SDK1: variants seen among roughly 807,000 people sequenced by gnomAD.
SDK1 encodes the protein protein sidekick-1.
A neutral mutation model predicts 245.5 loss-of-function variants in SDK1; 157 were observed. That is an observed-to-expected ratio of 0.64 (90% CI 0.56 to 0.73). SDK1 has a LOEUF of 0.73. SDK1 is among the 30% of genes least tolerant of loss of function. SDK1 has a pLI of 0.00. For missense variants in SDK1, 3,583 were observed against 3,002.3 expected (o/e 1.19, Z -4.52); for synonymous variants, 1,647 against 1,278.5 (o/e 1.29, Z -6.15).
chr7:3,617,472 G>C (rs938929663), intron 1 of SDK1, among the ~76,000 whole-genome samples: 1 of 152,336 alleles, frequency 6.6e-6, no homozygotes, highest in East Asian at 1.9e-4. Context: ...CCTAGGTAGA[G>C]GAAAGACCAA....
chr7:3,525,774 C>A (rs1242668719), intron 1 of SDK1, among the ~76,000 whole-genome samples: 2 of 152,094 alleles, frequency 1.3e-5, no homozygotes, highest in East Asian at 3.9e-4. Context: ...TTTCTTCTTC[C>A]TGGAATTCTC....
At chr7:4,166,985 C>G (rs776126048) in intron 32 of SDK1, among the ~76,000 whole-genome samples, 9 of 152,192 alleles carry the variant, frequency 5.9e-5, no homozygotes, top group Non-Finnish European at 2.9e-5. Context: ...GGCCTTCCCT[C>G]CACTCAACTC....
At chr7:4,023,709 A>G (rs1421776753) in intron 17 of SDK1, among the ~76,000 whole-genome samples, 2 of 152,190 alleles carry the variant, frequency 1.3e-5, no homozygotes, top group Non-Finnish European at 2.9e-5. Flanking sequence ...GAGGGAGAGT[A>G]CTATAGTCAT....
intron 5 of SDK1, among the ~76,000 whole-genome samples, chr7:3,859,360 G>T (rs1273459620): frequency 1.3e-5 from 2 of 152,098 alleles, no homozygotes; most frequent in Non-Finnish European, 1.5e-5. Context: ...GGTAGTTGCA[G>T]TTCTTCCATA....
At chr7:3,808,039 G>C (rs1266752910) in intron 4 of SDK1, among the ~76,000 whole-genome samples, 1 of 152,178 alleles carries the variant, frequency 6.6e-6, no homozygotes, top group African/African-American at 2.4e-5. Context: ...TCACCAGCTA[G>C]GAAGTGTCAG....
intron 5 of SDK1, among the ~76,000 whole-genome samples, chr7:3,822,012 A>C (rs1779659122): frequency 6.6e-6 from 1 of 152,224 alleles, no homozygotes; most frequent in Non-Finnish European, 1.5e-5. Flanking sequence ...GAAAATTAGC[A>C]GTATTTAAGC....
chr7:3,529,471 C>A (rs948299641), intron 1 of SDK1, among the ~76,000 whole-genome samples: 1 of 152,072 alleles, frequency 6.6e-6, no homozygotes, highest in Non-Finnish European at 1.5e-5. Context: ...CTCTCACTGG[C>A]CAAATTTTGG....
intron 2 of SDK1, among the ~76,000 whole-genome samples, chr7:3,632,095 G>T (rs1202236): frequency 6.6e-6 from 1 of 152,100 alleles, no homozygotes; most frequent in African/African-American, 2.4e-5. Flanking sequence ...TGCAATAAAA[G>T]ATTTTTATCC....
At chr7:3,569,253 C>T (rs1031964846) in intron 1 of SDK1, among the ~76,000 whole-genome samples, 6 of 152,116 alleles carry the variant, frequency 3.9e-5, no homozygotes, top group African/African-American at 9.7e-5. Flanking sequence ...GGAATTCAAA[C>T]GAGAACCAGA....
intron 44 of SDK1, among the ~76,000 whole-genome samples, chr7:4,246,642 A>G (rs960539786): frequency 3.3e-5 from 5 of 152,094 alleles, no homozygotes; most frequent in African/African-American, 1.2e-4. Flanking sequence ...CTTGCGCTGA[A>G]GAAGAGGGAT....
chr7:4,157,327 G>A (rs1420282006), intron 30 of SDK1, among the ~76,000 whole-genome samples: 1 of 149,426 alleles, frequency 6.7e-6, no homozygotes, highest in Admixed American at 6.7e-5. Flanking sequence ...GACGGGAGGT[G>A]GAAGGGAGAG....
At chr7:3,768,601 G>T (rs1056802335) in intron 4 of SDK1, among the ~76,000 whole-genome samples, 4 of 152,200 alleles carry the variant, frequency 2.6e-5, no homozygotes, top group Non-Finnish European at 4.4e-5. Context: ...GGAAGCTCCA[G>T]TGCCACCAGC....
intron 32 of SDK1, among the ~76,000 whole-genome samples, chr7:4,171,005 T>TC (rs1230897711): frequency 6.6e-6 from 1 of 152,208 alleles, no homozygotes; most frequent in East Asian, 1.9e-4. Context: ...ACTGTGCCTG[T>TC]AATTCTCACT....
intron 21 of SDK1, 139 bp downstream of exon 21, chr7:4,077,328 G>A: frequency 1.3e-6 from 1 of 779,718 alleles, no homozygotes; most frequent in Non-Finnish European, 2.1e-6. Context: ...AGATGCTGGA[G>A]GGTAAATGGG....
intron 9 of SDK1, 47 bp from the exon 10 acceptor site, chr7:3,967,271 C>T: frequency 1.4e-6 from 2 of 1,429,170 alleles, no homozygotes; most frequent in Non-Finnish European, 2.0e-6. Context: ...CTGATGTGAG[C>T]CTCTCAGGAA....
At chr7:4,193,622 C>T (rs1783369693) in intron 35 of SDK1, among the ~76,000 whole-genome samples, 3 of 151,994 alleles carry the variant, frequency 2.0e-5, no homozygotes, top group African/African-American at 7.3e-5. Context: ...TAATAGTAGA[C>T]ACCTGGCAAG....
chr7:3,599,977 T>G (rs1463625245), intron 1 of SDK1, among the ~76,000 whole-genome samples: 1 of 152,238 alleles, frequency 6.6e-6, no homozygotes, highest in African/African-American at 2.4e-5. Flanking sequence ...TATGCTGGTA[T>G]TTGGACAATA....
At chr7:3,319,041 T>G (rs1779730766) in intron 1 of SDK1, among the ~76,000 whole-genome samples, 3 of 148,110 alleles carry the variant, frequency 2.0e-5, no homozygotes, top group Admixed American at 6.8e-5. Context: ...GAGGGGGGAG[T>G]AGGTGGGGAT....
chr7:3,452,288 C>A (rs980230988), intron 1 of SDK1, among the ~76,000 whole-genome samples: 6 of 152,128 alleles, frequency 3.9e-5, no homozygotes, highest in Admixed American at 6.5e-5. Context: ...TAGGTGCTGG[C>A]TTTATGTGTT....
Sources: allele counts gnomAD v4.1 joint callset (sites outside exome capture counted in the v4.1 genomes callset), GRCh38; gene constraint gnomAD v4.1.1; transcripts MANE v1.5; gene names NCBI Gene and HGNC (gene_info 2026-07-23, HGNC 2026-07-21).